SH3BP2: variants seen among roughly 807,000 people sequenced by gnomAD.
SH3BP2 encodes SH3 domain binding protein 2.
A neutral mutation model predicts 56.2 loss-of-function variants in SH3BP2; 38 were observed. The ratio of observed to expected loss-of-function variants is 0.68; its 90% CI spans 0.52 to 0.89. SH3BP2 has a LOEUF of 0.89. Ranked by LOEUF, SH3BP2 falls within the 40% of genes least tolerant of loss-of-function variation. The pLI, the probability that SH3BP2 is intolerant of heterozygous loss-of-function variation, is 0.00. For missense variants in SH3BP2, 748 were observed against 762.6 expected (o/e 0.98, Z 0.23); for synonymous variants, 346 against 316.7 (o/e 1.09, Z -0.98).
intron 5 of SH3BP2, chr4:2,826,936 C>T (rs1724683451): frequency 5.0e-6 from 3 of 594,282 alleles, no homozygotes; most frequent in Admixed American, 4.3e-5. Flanking sequence ...TGCCTGTGTT[C>T]CTGCGTGTGC....
At chr4:2,812,731 A>AC (rs61548831) in intron 1 of SH3BP2, among the ~76,000 whole-genome samples, 41,878 of 146,208 alleles carry the variant, frequency 0.29, 7,049 homozygotes, top group Non-Finnish European at 0.37. Context: ...AACCCCCCCC[A>AC]CCCCCCCATC....
rs184165140 is a variant in SH3BP2, at chr4:2,831,332, T to C, written c.1242-239T>C. ...TGAGCTTGGGAACCCTGGACTCCCT[T>C]GCCAGCATCCATGGCAGCCCTGACC... On this transcript the variant is annotated intron_variant, in intron 8 of 12. Transcript: ENST00000503393. This position sits in a 1 kb window ranked among gnomAD's most constrained non-coding sequence, Gnocchi z 4.1. Among the ~76,000 whole-genome samples the C allele has an allele frequency of 6.6e-6, 1 of 152,334 alleles. No individual in the cohort carries two copies. The highest frequency in any genetic ancestry group is 1.9e-4 in the East Asian group (1 of 5,178).
chr4:2,802,554 GTGTATATA>G (rs1185639574), intron 1 of SH3BP2, among the ~76,000 whole-genome samples: 8 of 132,086 alleles, frequency 6.1e-5, no homozygotes, highest in East Asian at 2.0e-4. Context: ...GTATATATAT[GTGTATATA>G]TGTATATATG....
chr4:2,812,588 G>A lies in SH3BP2; in HGVS notation c.-4-8026G>A, dbSNP rs547919349. On this transcript the variant is annotated intron_variant, in intron 1 of 12. Transcript: ENST00000503393. ...GCCACAGCCTTCCTCGGGGCTGGCCGTGGGAGCCCACAGGAGGTGGCCCTG... is the reference window on the plus strand; with the variant it reads ...GCCACAGCCTTCCTCGGGGCTGGCCATGGGAGCCCACAGGAGGTGGCCCTG... The A allele has an allele frequency of 2.4e-4, 329 of 1,363,406 alleles. 4 individuals are homozygous for A. In the South Asian group the frequency reaches 4.1e-3, roughly 17 times the overall value. 84.5% of individuals were successfully genotyped at this position (1,363,406 alleles called of 1,614,324 possible). A position where few individuals can be genotyped will look rare whatever the true frequency, so the allele number is the denominator to read the frequency against.
chr4:2,827,709 T>G (rs1320306117), intron 7 of SH3BP2, 35 bp downstream of exon 7: 18 of 1,486,194 alleles, frequency 1.2e-5, no homozygotes, highest in Admixed American at 9.7e-5. Flanking sequence ...GAGCTCTGGG[T>G]GTGTAGGAAG....
intron 1 of SH3BP2, chr4:2,818,878 A>C (rs2108723612): frequency 1.0e-6 from 1 of 985,622 alleles, no homozygotes; most frequent in South Asian, 4.7e-5. Context: ...TTCCTCTTGC[A>C]CTTTTGTTGG....
chr4:2,796,332 G>T, intron 1 of SH3BP2: 1 of 841,486 alleles, frequency 1.2e-6, no homozygotes, highest in Non-Finnish European at 1.4e-6. Context: ...CTCCCAGGAG[G>T]GGAGAAAGGT....
rs1725249360 is a variant in SH3BP2 at position 2,836,807 on chromosome 4, G to T, written c.*2973G>T. 6.6e-6 allele frequency: 1 copy of T among 152,248 alleles called. No individual in the cohort carries two copies. Among genetic ancestry groups the T allele is most frequent in the Non-Finnish European group, 1.5e-5 (1 of 68,046 alleles). 9.4% of individuals were successfully genotyped at this position (152,248 alleles called of 1,614,324 possible). ...AGGCCTAGGCCTTGCCCTAGGGGCA[G>T]TCCTGCTTCCTCATTTTATAGATAG... On this transcript the variant is annotated 3_prime_UTR_variant, in exon 13 of 13. Coordinates refer to ENST00000503393, the MANE Select transcript of SH3BP2 (RefSeq NM_001122681.2).
At chr4:2,800,052 T>C (rs970788913) in intron 1 of SH3BP2, among the ~76,000 whole-genome samples, 14 of 150,070 alleles carry the variant, frequency 9.3e-5, no homozygotes, top group African/African-American at 3.4e-4. Context: ...GGGGAAAGGG[T>C]GGGGGCTGCC....
At chr4:2,804,584 C>T (rs1166432144) in intron 1 of SH3BP2, among the ~76,000 whole-genome samples, 1 of 152,208 alleles carries the variant, frequency 6.6e-6, no homozygotes, top group African/African-American at 2.4e-5. Context: ...CCTCCCTGTA[C>T]CCCACATGGC....
intron 1 of SH3BP2, among the ~76,000 whole-genome samples, chr4:2,813,092 T>G (rs1458784522): frequency 6.6e-6 from 1 of 152,196 alleles, no homozygotes; most frequent in Non-Finnish European, 1.5e-5. Flanking sequence ...CGGGAGAATT[T>G]TGGTTTTGAT....
intron 7 of SH3BP2, among the ~76,000 whole-genome samples, chr4:2,828,826 C>T (rs1464796753): frequency 6.6e-6 from 1 of 152,182 alleles, no homozygotes; most frequent in Non-Finnish European, 1.5e-5. Context: ...ACCAGCCTGG[C>T]GCCTGCCCTG....
chr4:2,795,545 G>A (rs1371262304), intron 1 of SH3BP2, among the ~76,000 whole-genome samples: 1 of 152,230 alleles, frequency 6.6e-6, no homozygotes, highest in African/African-American at 2.4e-5. Context: ...GGTGGGTGAG[G>A]AGAAGGGCAG....
rs1327425220 is a variant in SH3BP2, at chr4:2,836,839, T to G, written c.*3005T>G. The G allele has an allele frequency of 6.6e-6, 1 of 152,232 alleles. No individual in the cohort carries two copies. The highest frequency in any genetic ancestry group is 2.4e-5 in the African/African-American group (1 of 41,456). 9.4% of individuals were successfully genotyped at this position (152,232 alleles called of 1,614,324 possible). Reference sequence around the variant, plus strand: ...TTCCTCATTTTATAGATAGGGAAACTGAGGCTTTGGGAGGACTCACTGACA... The same window carrying G: ...TTCCTCATTTTATAGATAGGGAAACGGAGGCTTTGGGAGGACTCACTGACA... On this transcript the variant is annotated 3_prime_UTR_variant, in exon 13 of 13. Transcript: ENST00000503393.
chr4:2,797,674 T>C (rs1357184090), intron 1 of SH3BP2, among the ~76,000 whole-genome samples: 1 of 152,174 alleles, frequency 6.6e-6, no homozygotes, highest in Non-Finnish European at 1.5e-5. Flanking sequence ...ATGGCCACCA[T>C]GCATGTTGAC....
Position 2,832,405 on chromosome 4 carries a change from C to T in SH3BP2, c.1481C>T (p.Ser494Leu), listed in dbSNP as rs377411211. ...TGCATCCGGAACTCCTCTACCAAGT[C>T]GGGGAAGGTAGGCGCCAGGGGAAGA... ...LYCIRNSSTK[S>L]GKVLVVWDET... Residue 494 changes from serine (S) to leucine (L), a missense_variant, in exon 11 of 13, where the codon TCG (serine) becomes TTG (leucine). Physicochemically the swap from Ser to Leu is moderately radical, Grantham distance 145. Transcript: ENST00000503393. 212 of 1,613,906 alleles carry T rather than the reference C, an allele frequency of 1.3e-4. No individual in the cohort carries two copies. Among genetic ancestry groups the T allele is most frequent in the Middle Eastern group, 9.9e-4 (6 of 6,058 alleles).
chr4:2,825,568 A>T (rs1724568801), intron 5 of SH3BP2, among the ~76,000 whole-genome samples: 1 of 151,472 alleles, frequency 6.6e-6, no homozygotes, highest in South Asian at 2.1e-4. Context: ...ACATGCACAC[A>T]CAAACACAGA....
intron 1 of SH3BP2, among the ~76,000 whole-genome samples, chr4:2,807,664 G>A (rs574467668): frequency 9.3e-4 from 142 of 152,346 alleles, no homozygotes; most frequent in Non-Finnish European, 1.2e-3. Flanking sequence ...AGGGCAGGAA[G>A]GGAAAGCAGG....
rs767897689 is a variant in SH3BP2 at position 2,824,707 on chromosome 4, G to T, written c.334G>T (p.Ala112Ser). 2 of 1,613,496 alleles carry T rather than the reference G, an allele frequency of 1.2e-6. No individual in the cohort carries two copies. Among genetic ancestry groups the T allele is most frequent in the African/African-American group, 1.3e-5 (1 of 75,050 alleles). Residue 112 changes from alanine (A) to serine (S), a missense_variant, in exon 4 of 13, where the codon GCC (alanine) becomes TCC (serine). By Grantham distance (99) the Ala-to-Ser change is moderately conservative (BLOSUM62 1). This residue lies in a region of SH3BP2 where 635 missense variants were observed against 615.0 expected (regional missense o/e 1.03). Coordinates refer to ENST00000503393, the MANE Select transcript of SH3BP2 (RefSeq NM_001122681.2). ...GAAGCACCGCACGTGGTTCTTCTCG[G>T]CCTCCTCCGAGGAGGAGCGCAAGGT... ...SKKHRTWFFS[A>S]SSEEERKSWM...
Sources: allele counts gnomAD v4.1 joint callset (sites outside exome capture counted in the v4.1 genomes callset), GRCh38; gene constraint gnomAD v4.1.1; regional missense constraint gnomAD v4.1.1; non-coding constraint Gnocchi (gnomAD v3.1); transcripts MANE v1.5; gene names NCBI Gene and HGNC (gene_info 2026-07-23, HGNC 2026-07-21).